NFKB1: variants seen among roughly 807,000 people sequenced by gnomAD.
The protein encoded by NFKB1 is nuclear factor NF-kappa-B p105 subunit.
Under a neutral mutation model 105.1 loss-of-function variants are expected in NFKB1, and 9 were observed. The observed-to-expected ratio is 0.09, with a 90% CI of 0.05 to 0.15. The LOEUF (loss-of-function observed/expected upper bound fraction) is 0.15, where lower values mean the gene tolerates loss of function less well. NFKB1 is among the 10% of genes least tolerant of loss of function. The probability of loss-of-function intolerance (pLI) is 1.00; values close to 1 mark genes in which losing one functional copy is unlikely to be tolerated. For synonymous variants in NFKB1, 440 were observed against 442.2 expected, an observed-to-expected ratio of 1.00 and a Z score of 0.06; for missense variants, 830 against 1,203.7, an observed-to-expected ratio of 0.69 and a Z score of 4.59.
intron 6 of NFKB1, among the ~76,000 whole-genome samples, chr4:102,570,512 G>A (rs537194728): frequency 4.0e-4 from 61 of 152,106 alleles, no homozygotes; most frequent in Middle Eastern, 3.4e-3. Context: ...GGATACTGCC[G>A]CAGTGAACAT....
chr4:102,573,589 C>A (rs1372599068), intron 6 of NFKB1, among the ~76,000 whole-genome samples: 1 of 152,022 alleles, frequency 6.6e-6, no homozygotes, highest in Middle Eastern at 3.2e-3. Context: ...ATATTTAGTA[C>A]GTTTTAAAAC....
At chr4:102,594,440 G>C (rs4648059) in intron 12 of NFKB1, among the ~76,000 whole-genome samples, 8,621 of 152,244 alleles carry the variant, frequency 0.057, 271 homozygotes, top group African/African-American at 0.089. Flanking sequence ...AGTTGTACCA[G>C]TTTATGCTTC....
At chr4:102,503,005 T>A (rs1739189672) in intron 1 of NFKB1, among the ~76,000 whole-genome samples, 1 of 152,216 alleles carries the variant, frequency 6.6e-6, no homozygotes, top group African/African-American at 2.4e-5. Context: ...CATTCGTGTT[T>A]GTTAAAACTT....
chr4:102,615,202 A>G lies in NFKB1; in HGVS notation c.2750-1232A>G, dbSNP rs4648132. On this transcript the variant is annotated intron_variant, in intron 23 of 23. Transcript: ENST00000226574. Reference sequence around the variant, plus strand: ...CATTCAGCAAATCCTGATCCAGCATACACTGTGTGCCTAGCAGTGTTCGAG... The same window carrying G: ...CATTCAGCAAATCCTGATCCAGCATGCACTGTGTGCCTAGCAGTGTTCGAG... Among the ~76,000 whole-genome samples, 324 of 152,326 alleles carry G rather than the reference A, an allele frequency of 2.1e-3. 1 individual carries two copies. The highest frequency in any genetic ancestry group is 7.6e-3 in the African/African-American group (314 of 41,568).
chr4:102,537,598 A>G, intron 4 of NFKB1: 1 of 306,046 alleles, frequency 3.3e-6, no homozygotes, highest in Non-Finnish European at 6.2e-6. Flanking sequence ...CTCTCCACAC[A>G]TGCATAGCAT....
At chr4:102,566,307 A>C (rs1280304703) in intron 5 of NFKB1, among the ~76,000 whole-genome samples, 1 of 152,210 alleles carries the variant, frequency 6.6e-6, no homozygotes, top group Non-Finnish European at 1.5e-5. Context: ...CAGGGGTGAA[A>C]TCTAAGGATT....
At chr4:102,609,883 C>G (rs1728234318) in intron 19 of NFKB1, among the ~76,000 whole-genome samples, 1 of 152,186 alleles carries the variant, frequency 6.6e-6, no homozygotes, top group African/African-American at 2.4e-5. Context: ...CATTAGACAT[C>G]AAGCTAAACA....
intron 3 of NFKB1, among the ~76,000 whole-genome samples, chr4:102,530,598 A>G (rs1741223580): frequency 6.6e-6 from 1 of 152,150 alleles, no homozygotes; most frequent in African/African-American, 2.4e-5. Context: ...CAGATGTTCA[A>G]AAGCAGTGTG....
intron 5 of NFKB1, among the ~76,000 whole-genome samples, chr4:102,539,100 G>A (rs1245511324): frequency 6.6e-6 from 1 of 151,972 alleles, no homozygotes; most frequent in Non-Finnish European, 1.5e-5. Flanking sequence ...AGCTGGGTGT[G>A]GTGGTGTACA....
At chr4:102,573,884 G>T (rs1316219336) in intron 6 of NFKB1, among the ~76,000 whole-genome samples, 1 of 150,700 alleles carries the variant, frequency 6.6e-6, no homozygotes, top group Non-Finnish European at 1.5e-5. Context: ...TTTGTTTGGG[G>T]TCTTTTTTTT....
At chr4:102,504,819 G>A (rs752573154) in intron 1 of NFKB1, among the ~76,000 whole-genome samples, 3 of 152,106 alleles carry the variant, frequency 2.0e-5, no homozygotes, top group Non-Finnish European at 4.4e-5. Flanking sequence ...TCAGCCTCAG[G>A]GAGAAAGGTT....
At chr4:102,521,425 T>A (rs1740566011) in intron 1 of NFKB1, among the ~76,000 whole-genome samples, 1 of 152,216 alleles carries the variant, frequency 6.6e-6, no homozygotes, top group Non-Finnish European at 1.5e-5. Flanking sequence ...CTAAGTGGTG[T>A]CTGTTGTGGC....
At chr4:102,546,113 A>G (rs1249756512) in intron 5 of NFKB1, among the ~76,000 whole-genome samples, 1 of 152,124 alleles carries the variant, frequency 6.6e-6, no homozygotes, top group Non-Finnish European at 1.5e-5. Flanking sequence ...TTAAAGAAAA[A>G]AAACAGGATT....
intron 23 of NFKB1, among the ~76,000 whole-genome samples, chr4:102,616,039 C>T (rs746787644): frequency 5.3e-5 from 8 of 152,196 alleles, no homozygotes; most frequent in African/African-American, 9.7e-5. Flanking sequence ...TTAGTTCTTG[C>T]TTCTGTCACC....
intron 11 of NFKB1, among the ~76,000 whole-genome samples, chr4:102,589,746 A>T (rs1325325504): frequency 6.6e-6 from 1 of 152,104 alleles, no homozygotes; most frequent in Non-Finnish European, 1.5e-5. Flanking sequence ...CACTAATCAA[A>T]AAAAAGAATA....
At chr4:102,507,902 A>G (rs554417666) in intron 1 of NFKB1, among the ~76,000 whole-genome samples, 19 of 152,364 alleles carry the variant, frequency 1.2e-4, no homozygotes, top group Admixed American at 1.2e-3. Context: ...TATGTAAAAA[A>G]GAAAACATAA....
At chr4:102,513,043 C>T (rs1297026561) in intron 1 of NFKB1, among the ~76,000 whole-genome samples, 1 of 152,104 alleles carries the variant, frequency 6.6e-6, no homozygotes, top group Non-Finnish European at 1.5e-5. Flanking sequence ...ATGAATATTC[C>T]AAAATGGTAC....
chr4:102,554,415 C>T (rs4648012), intron 5 of NFKB1, among the ~76,000 whole-genome samples: 70 of 152,114 alleles, frequency 4.6e-4, no homozygotes, highest in African/African-American at 1.5e-3. Flanking sequence ...TCCATTATAC[C>T]GAAATGAAAA....
chr4:102,597,833 C>G (rs185085845), intron 15 of NFKB1, among the ~76,000 whole-genome samples, 172 bp downstream of exon 15: 9 of 152,180 alleles, frequency 5.9e-5, no homozygotes, highest in Non-Finnish European at 1.3e-4. Flanking sequence ...ATTTGCTGCT[C>G]CATCCTGCTG....
Sources: allele counts gnomAD v4.1 joint callset (sites outside exome capture counted in the v4.1 genomes callset), GRCh38; gene constraint gnomAD v4.1.1; transcripts MANE v1.5; gene names NCBI Gene and HGNC (gene_info 2026-07-23, HGNC 2026-07-21).